The following TARBP1 variants were observed in gnomAD, a reference collection of about 807,000 sequenced individuals.
The protein encoded by TARBP1 is tRNA (guanosine(18)-2'-O)-methyltransferase TARBP1.
In TARBP1, 144 loss-of-function variants were observed where a neutral mutation model predicts 178.6. The ratio of observed to expected loss-of-function variants is 0.81; its 90% confidence interval spans 0.70 to 0.93. The LOEUF (loss-of-function observed/expected upper bound fraction) is 0.93. Ranked by LOEUF, TARBP1 falls within the 40% of genes least tolerant of loss-of-function variation. The pLI, the probability that TARBP1 is intolerant of heterozygous loss-of-function variation, is 0.00. For synonymous variants in TARBP1, 787 were observed against 781.0 expected (o/e 1.01, Z -0.13); for missense variants, 2,067 against 2,011.7 (o/e 1.03, Z -0.53).
rs1664421222 is a variant in TARBP1 at position 234,431,451 on chromosome 1, G to C, written c.2395-1150C>G. Among the ~76,000 whole-genome samples the C allele has an allele frequency of 2.0e-5, 3 of 152,216 alleles. No individual in the cohort carries two copies. In the South Asian group the frequency reaches 6.2e-4, roughly 32 times the overall value. ...CTAACAGACTAATAGGTACTAGACA[G>C]GATGCTGAAATATTAATCATCGTCT... On this transcript the variant is annotated intron_variant, in intron 14 of 29. Coordinates refer to ENST00000040877, the MANE Select transcript of TARBP1 (RefSeq NM_005646.4).
intron 21 of TARBP1, among the ~76,000 whole-genome samples, chr1:234,418,970 A>C (rs1410127952): frequency 6.6e-6 from 1 of 152,136 alleles, no homozygotes. Flanking sequence ...CAGAAGATCG[A>C]GACCATCCTG....
At chr1:234,409,647 TTGAA>T (rs1661605314) in intron 23 of TARBP1, among the ~76,000 whole-genome samples, 1 of 152,212 alleles carries the variant, frequency 6.6e-6, no homozygotes, top group Admixed American at 6.5e-5. Flanking sequence ...AGGCCTGTCT[TTGAA>T]TGGATGAAAT....
intron 6 of TARBP1, 41 bp downstream of exon 6, chr1:234,463,795 TA>T: frequency 8.3e-7 from 1 of 1,208,560 alleles, no homozygotes; most frequent in Non-Finnish European, 1.1e-6. Flanking sequence ...AAAGAAACTG[TA>T]AGCTAAAGCA....
chr1:234,444,201 C>T (rs986895491), intron 12 of TARBP1, among the ~76,000 whole-genome samples: 1 of 149,420 alleles, frequency 6.7e-6, no homozygotes, highest in African/African-American at 2.5e-5. Flanking sequence ...CAAGAGATTA[C>T]TCCCACAAAA....
intron 9 of TARBP1, among the ~76,000 whole-genome samples, chr1:234,451,761 A>AC (rs1329118725): frequency 0.035 from 1,048 of 29,800 alleles, 447 homozygotes; most frequent in Non-Finnish European, 0.036. Flanking sequence ...AAAAAAAAAA[A>AC]AAAAATGATG....
intron 23 of TARBP1, among the ~76,000 whole-genome samples, chr1:234,409,104 A>G (rs1240749951): frequency 6.6e-6 from 1 of 152,180 alleles, no homozygotes; most frequent in Non-Finnish European, 1.5e-5. Context: ...ACAAATGAAG[A>G]GACTGACAAA....
At chr1:234,420,886 A>C in intron 20 of TARBP1, 74 bp from the exon 21 acceptor site, 1 of 902,846 alleles carries the variant, frequency 1.1e-6, no homozygotes. Context: ...ATCAATGACA[A>C]CTTGAAATGT....
intron 14 of TARBP1, 68 bp downstream of exon 14, chr1:234,433,342 G>A (rs1315215860): frequency 1.4e-6 from 2 of 1,480,602 alleles, no homozygotes; most frequent in Non-Finnish European, 1.9e-6. Context: ...TAGTGTATAA[G>A]AACTGAATAT....
In TARBP1 at chr1:234,393,376, G is replaced by C. The variant is rs1659599158; in HGVS notation, c.4546C>G (p.Leu1516Val). 6.4e-7 allele frequency: 1 copy of C among 1,558,210 alleles called. No homozygotes were observed. The highest frequency in any genetic ancestry group is 1.4e-5 in the African/African-American group (1 of 73,164). Residue 1516 changes from leucine (L) to valine (V), a missense_variant, in exon 28 of 30, where the codon CTT (leucine) becomes GTT (valine). By Grantham distance (32) the Leu-to-Val change is conservative (BLOSUM62 1). Transcript: ENST00000040877. ...QHLSVSAEQW[L>V]PLVEVKPPQL... Reference sequence around the variant, plus strand: ...TTTCCACCCACCTCCACTAGAGGAAGCCACTGTTCTGCAGAGACACTGAGG... The same window carrying C: ...TTTCCACCCACCTCCACTAGAGGAACCCACTGTTCTGCAGAGACACTGAGG...
In TARBP1 at chr1:234,391,624, C is replaced by A. The variant is rs746936475; in HGVS notation, c.4819G>T (p.Glu1607Ter). ...VHVSGALLIW[E>*]YTRQQLLSHG... Reference sequence around the variant, plus strand: ...GAGAGCAGCTGCTGCCTGGTGTACTCCCAGATCAGCAGGGCTCCACTCACA... The same window carrying A: ...GAGAGCAGCTGCTGCCTGGTGTACTACCAGATCAGCAGGGCTCCACTCACA... Residue 1607 changes from glutamate (E) to a stop codon, truncating the protein, a stop_gained, in exon 30 of 30, where the codon GAG (glutamate) becomes TAG (stop). Transcript: ENST00000040877. LOFTEE classifies it low-confidence loss of function (END_TRUNC). The A allele has an allele frequency of 3.1e-6, 5 of 1,613,448 alleles. No homozygotes were observed. The Admixed American group carries it at 8.3e-5, about 27-fold the overall frequency.
rs527984546 is a variant in TARBP1 at position 234,398,456 on chromosome 1, G to A, written c.4169C>T (p.Ala1390Val). ...TTGAGAAAGGTACCACTGAAATCCC[G>A]CAGCTAAAGGAACATCAGTGAATCT... ...FTRFTDVPLA[A>V]GFQWYLSQTQ... Residue 1390 changes from alanine to valine, a missense_variant, in exon 26 of 30, where the codon GCG (alanine) becomes GTG (valine). Physicochemically the swap from Ala to Val is moderately conservative, Grantham distance 64 (BLOSUM62 0). Coordinates refer to ENST00000040877, the MANE Select transcript of TARBP1 (RefSeq NM_005646.4). 55 of 1,611,386 alleles carry A rather than the reference G, an allele frequency of 3.4e-5. No homozygotes were observed. Among genetic ancestry groups the A allele is most frequent in the Middle Eastern group, 1.7e-4 (1 of 6,050 alleles).
chr1:234,437,609 C>A (rs1258746522), intron 12 of TARBP1, among the ~76,000 whole-genome samples: 1 of 152,198 alleles, frequency 6.6e-6, no homozygotes, highest in Non-Finnish European at 1.5e-5. Flanking sequence ...CACCACTGAA[C>A]AGAGCTATAA....
intron 26 of TARBP1, among the ~76,000 whole-genome samples, chr1:234,394,588 G>T (rs1659726132): frequency 6.6e-6 from 1 of 152,228 alleles, no homozygotes; most frequent in African/African-American, 2.4e-5. Flanking sequence ...AATGTCTAGG[G>T]GAGGGAGAAG....
chr1:234,437,449 T>G, intron 12 of TARBP1, 77 bp from the exon 13 acceptor site: 2 of 657,686 alleles, frequency 3.0e-6, no homozygotes, highest in Middle Eastern at 5.3e-4. Context: ...TTCTAGTAAA[T>G]GTACAACTGG....
chr1:234,398,421 T>TA lies in TARBP1; in HGVS notation c.4203dup (p.Ser1402Ter). On this transcript the variant is annotated frameshift_variant, in exon 26 of 30. Coordinates refer to ENST00000040877, the MANE Select transcript of TARBP1 (RefSeq NM_005646.4). LOFTEE classifies it high-confidence loss of function. ...GACCAGTCACCTGGTTTTAGTTTAC[T>TA]AAGTTGAGTTTGAGAAAGGTACCAC... 6.2e-7 allele frequency: 1 copy of TA among 1,611,186 alleles called. No homozygotes were observed. Among genetic ancestry groups the TA allele is most frequent in the Non-Finnish European group, 8.5e-7 (1 of 1,178,374 alleles).
chr1:234,427,588 C>CTAAA lies in TARBP1; in HGVS notation c.3235_3238dup (p.Arg1080IlefsTer2), dbSNP rs1233194903. On this transcript the variant is annotated stop_gained and frameshift_variant, in exon 18 of 30. Transcript: ENST00000040877. LOFTEE classifies it high-confidence loss of function. The stretch of plus-strand genomic sequence containing the variant: ...TAGCATCTTTTACCTTTGATCACGC[C>CTAAA]TAAACACAGTTCCAAATATACAAGC... 6.2e-7 allele frequency: 1 copy of CTAAA among 1,600,652 alleles called. No homozygotes were observed. The highest frequency in any genetic ancestry group is 2.2e-5 in the East Asian group (1 of 44,596).
At chr1:234,405,574 C>T (rs191546464) in intron 24 of TARBP1, 29 of 238,804 alleles carry the variant, frequency 1.2e-4, no homozygotes, top group Non-Finnish European at 1.1e-4. Flanking sequence ...AAAGTCAGGT[C>T]GTGCCACTTC....
At chr1:234,444,749 C>A (rs1276437524) in intron 12 of TARBP1, among the ~76,000 whole-genome samples, 1 of 152,014 alleles carries the variant, frequency 6.6e-6, no homozygotes, top group African/African-American at 2.4e-5. Context: ...TATATCCACC[C>A]ACCTACCTGC....
At chr1:234,438,736 C>T (rs145090144) in intron 12 of TARBP1, among the ~76,000 whole-genome samples, 3 of 152,064 alleles carry the variant, frequency 2.0e-5, no homozygotes, top group Non-Finnish European at 4.4e-5. Flanking sequence ...AATAAAGACA[C>T]GGCTGAAAAC....
Sources: allele counts gnomAD v4.1 joint callset (sites outside exome capture counted in the v4.1 genomes callset), GRCh38; gene constraint gnomAD v4.1.1; transcripts MANE v1.5; gene names NCBI Gene and HGNC (gene_info 2026-07-23, HGNC 2026-07-21).